The following NOP56 variants were observed in gnomAD, a reference collection of about 807,000 sequenced individuals.
NOP56 encodes the protein NOP56 ribonucleoprotein, also known as nucleolar protein 56.
A neutral mutation model predicts 58.3 loss-of-function variants in NOP56; 31 were observed. The observed-to-expected ratio is 0.53, with a 90% CI of 0.40 to 0.72. NOP56 has a LOEUF of 0.72. Among genes scored for constraint, NOP56 ranks in the 30% least tolerant of loss-of-function variants. NOP56 has a pLI of 0.00. For synonymous variants in NOP56, 313 were observed against 282.8 expected (o/e 1.11, Z -1.07); for missense variants, 669 against 739.9 (o/e 0.90, Z 1.11).
At position 2,658,032 on chromosome 20, in the gene NOP56, A is replaced by G; in HGVS notation, c.1523A>G (p.Lys508Arg). Residue 508 changes from lysine (K) to arginine (R), a missense_variant, in exon 12 of 12, where the codon AAA (lysine) becomes AGA (arginine). Lys to Arg is a conservative substitution (Grantham distance 26). This residue lies in a region of NOP56 where 209 missense variants were observed against 196.2 expected (regional missense o/e 1.07). Transcript: ENST00000329276. ...TCTATCTCTTTCTCCAAACCCAAGAAAAAGAAATCTTTTTCCAAGGAGGAG... is the reference window on the plus strand; with the variant it reads ...TCTATCTCTTTCTCCAAACCCAAGAGAAAGAAATCTTTTTCCAAGGAGGAG... ...DPSISFSKPK[K>R]KKSFSKEELM... The G allele has an allele frequency of 6.2e-7, 1 of 1,613,496 alleles. No homozygotes were observed. Among genetic ancestry groups the G allele is most frequent in the Non-Finnish European group, 8.5e-7 (1 of 1,179,462 alleles).
At chr20:2,656,170 T>C (rs754959544) in intron 8 of NOP56, 136 bp downstream of exon 8, 10 of 1,608,258 alleles carry the variant, frequency 6.2e-6, no homozygotes, top group Middle Eastern at 1.7e-4. Flanking sequence ...CCAGTCCTGG[T>C]GTCTGAGTGA....
In NOP56 at chr20:2,654,930, C is replaced by G. The variant is rs1034927239; in HGVS notation, c.552C>G (p.Thr184=). 3 of 1,614,156 alleles carry G rather than the reference C, an allele frequency of 1.9e-6. No individual in the cohort carries two copies. The highest frequency in any genetic ancestry group is 2.5e-6 in the Non-Finnish European group (3 of 1,180,042). The part of the protein sequence containing the change: ...LLDQLDKDIN[T]FSMRVREWYG... ...ACCAGCTGGATAAGGACATCAATAC[C>G]TTCTCTATGCGTGTCAGGTAAAGTG... Residue 184 remains threonine, a synonymous_variant, in exon 5 of 12, where the codon ACC becomes ACG. Transcript: ENST00000329276.
intron 11 of NOP56, 60 bp from the exon 12 acceptor site, chr20:2,657,864 TACTTA>T (rs1444571457): frequency 6.7e-7 from 1 of 1,501,438 alleles, no homozygotes; most frequent in East Asian, 2.3e-5. Context: ...CTGCCTTGGC[TACTTA>T]ATTGCTGAAG....
Position 2,658,124 on chromosome 20 carries a change from C to T in NOP56, c.1615C>T (p.Pro539Ser), listed in dbSNP as rs1460874560. Residue 539 changes from proline (P) to serine (S), a missense_variant, in exon 12 of 12, where the codon CCC becomes TCC. Physicochemically the swap from Pro to Ser is moderately conservative, Grantham distance 74. Around this residue, in one of 3 missense-constraint regions of NOP56, gnomAD observed 209 missense variants for 196.2 expected, o/e 1.07. Transcript: ENST00000329276. ...TSIPKRKKST[P>S]KEETVNDPEE... The stretch of plus-strand genomic sequence containing the variant: ...TATTCCCAAGAGGAAGAAGTCTACA[C>T]CCAAGGAGGAAACAGTTAATGACCC... 1 of 1,614,078 alleles carries T rather than the reference C, an allele frequency of 6.2e-7. No individual in the cohort carries two copies. Among genetic ancestry groups the T allele is most frequent in the East Asian group, 2.2e-5 (1 of 44,870 alleles).
At chr20:2,655,167 G>T (rs1327961867) in intron 5 of NOP56, 158 bp from the exon 6 acceptor site, 3 of 1,105,068 alleles carry the variant, frequency 2.7e-6, no homozygotes, top group Non-Finnish European at 2.8e-6. Flanking sequence ...CAGGCCCTGT[G>T]CCTGGTCTGT....
chr20:2,658,082 A>G lies in NOP56; in HGVS notation c.1573A>G (p.Thr525Ala), dbSNP rs552059889. 362 of 1,614,080 alleles carry G rather than the reference A, an allele frequency of 2.2e-4. 1 individual carries two copies. In the South Asian group the frequency reaches 3.7e-3, roughly 16 times the overall value. ...GTTGATGAGTAGCGATCTTGAAGAG[A>G]CCGCTGGCAGCACCAGTATTCCCAA... Reference protein sequence around the residue: ...EELMSSDLEETAGSTSIPKRK... With the variant: ...EELMSSDLEEAAGSTSIPKRK... The change falls in exon 12 of 12, where the codon ACC (threonine) becomes GCC (alanine). Residue 525 changes from threonine to alanine, a missense_variant. Physicochemically the swap from Thr to Ala is moderately conservative, Grantham distance 58. Transcript: ENST00000329276.
At chr20:2,653,608 T>C (rs1300187543) in intron 3 of NOP56, 6 of 554,100 alleles carry the variant, frequency 1.1e-5, no homozygotes, top group Non-Finnish European at 1.9e-5. Flanking sequence ...GCAGACGATG[T>C]GGAATGTGTG....
At chr20:2,653,933 G>A (rs977004278) in intron 3 of NOP56, 2 of 335,750 alleles carry the variant, frequency 6.0e-6, no homozygotes, top group African/African-American at 2.2e-5. Flanking sequence ...GGTTGCAGGC[G>A]CGAGCGACGG....
At position 2,655,530 on chromosome 20, in the gene NOP56, C is replaced by T; in HGVS notation, c.757+18C>T. The T allele has an allele frequency of 6.2e-7, 1 of 1,614,070 alleles. No individual in the cohort carries two copies. The highest frequency in any genetic ancestry group is 8.5e-7 in the Non-Finnish European group (1 of 1,179,948). On this transcript the variant is annotated intron_variant, in intron 6 of 11. Coordinates refer to ENST00000329276, the MANE Select transcript of NOP56 (RefSeq NM_006392.4). Reference sequence around the variant, plus strand: ...CTCCATGGGTCAGTGCAGAGCCTGGCAACCTGCATAAGGTATGGGGCTCTA... The same window carrying T: ...CTCCATGGGTCAGTGCAGAGCCTGGTAACCTGCATAAGGTATGGGGCTCTA...
chr20:2,654,924 C>T lies in NOP56; in HGVS notation c.546C>T (p.Ile182=), dbSNP rs1161539160. The part of the protein sequence containing the change: ...ISLLDQLDKD[I]NTFSMRVREW... Reference sequence around the variant, plus strand: ...TCCTGGACCAGCTGGATAAGGACATCAATACCTTCTCTATGCGTGTCAGGT... The same window carrying T: ...TCCTGGACCAGCTGGATAAGGACATTAATACCTTCTCTATGCGTGTCAGGT... Residue 182 remains isoleucine, a synonymous_variant, in exon 5 of 12, where the codon ATC becomes ATT. Transcript: ENST00000329276. 3 of 1,614,216 alleles carry T rather than the reference C, an allele frequency of 1.9e-6. No individual in the cohort carries two copies. The highest frequency in any genetic ancestry group is 1.1e-5 in the South Asian group (1 of 91,088).
intron 3 of NOP56, chr20:2,653,877 T>G (rs1278413093): frequency 3.3e-6 from 1 of 306,590 alleles, no homozygotes; most frequent in Non-Finnish European, 6.5e-6. Context: ...CTAGTCTCCA[T>G]CTCCTGACCT....
At position 2,652,655 on chromosome 20, in the gene NOP56, G is replaced by A. The variant is rs760070159; in HGVS notation, c.-6G>A. 49 of 1,429,568 alleles carry A rather than the reference G, an allele frequency of 3.4e-5. No homozygotes were observed. Among genetic ancestry groups the A allele is most frequent in the Non-Finnish European group, 4.3e-5 (47 of 1,099,972 alleles). 88.6% of individuals were successfully genotyped at this position (1,429,568 alleles called of 1,614,324 possible). ...GCATTGCGAGCCGAACCCGGGAGCTGGCGCCATGGTGAGGAGTGGTTGCGG... is the reference window on the plus strand; with the variant it reads ...GCATTGCGAGCCGAACCCGGGAGCTAGCGCCATGGTGAGGAGTGGTTGCGG... On this transcript the variant is annotated 5_prime_UTR_variant, in exon 1 of 12. Coordinates refer to ENST00000329276, the MANE Select transcript of NOP56 (RefSeq NM_006392.4).
chr20:2,656,273 G>A, intron 8 of NOP56, 128 bp from the exon 9 acceptor site: 1 of 1,605,788 alleles, frequency 6.2e-7, no homozygotes, highest in East Asian at 2.2e-5. Flanking sequence ...GCATGCATTG[G>A]GGTAGAGATC....
At chr20:2,657,694 T>C (rs2086844439) in intron 11 of NOP56, 3 of 538,030 alleles carry the variant, frequency 5.6e-6, no homozygotes, top group East Asian at 5.9e-5. Flanking sequence ...ACCAGCATGG[T>C]GGGTGTTTTT....
At chr20:2,655,165 G>A (rs747997221) in intron 5 of NOP56, 160 bp from the exon 6 acceptor site, 1 of 1,098,820 alleles carries the variant, frequency 9.1e-7, no homozygotes, top group Admixed American at 1.7e-5. Flanking sequence ...CTCAGGCCCT[G>A]TGCCTGGTCT....
intron 4 of NOP56, 33 bp downstream of exon 4, chr20:2,654,608 C>A: frequency 6.2e-7 from 1 of 1,611,370 alleles, no homozygotes; most frequent in South Asian, 1.1e-5. Flanking sequence ...TCCTGTTATC[C>A]TGGACATTTT....
chr20:2,655,188 G>A (rs1180940446), intron 5 of NOP56, 137 bp from the exon 6 acceptor site: 2 of 1,222,944 alleles, frequency 1.6e-6, no homozygotes, highest in African/African-American at 1.5e-5. Context: ...ATTGTGAATG[G>A]GGGAACATAG....
chr20:2,653,229 C>A, intron 2 of NOP56, 50 bp from the exon 3 acceptor site: 1 of 1,444,634 alleles, frequency 6.9e-7, no homozygotes, highest in Non-Finnish European at 9.7e-7. Flanking sequence ...GACTGCGCCG[C>A]AGAGGCAGGA....
chr20:2,657,401 G>A (rs761286469), intron 11 of NOP56, 183 bp downstream of exon 11: 1 of 892,128 alleles, frequency 1.1e-6, no homozygotes, highest in Non-Finnish European at 1.8e-6. Flanking sequence ...ACTTGCTCAA[G>A]AGCCCAGAGA....
Sources: allele counts gnomAD v4.1 joint callset, GRCh38; gene constraint gnomAD v4.1.1; regional missense constraint gnomAD v4.1.1; transcripts MANE v1.5; gene names NCBI Gene and HGNC (gene_info 2026-07-23, HGNC 2026-07-21).